USP14: variants seen among roughly 807,000 people sequenced by gnomAD.
The protein encoded by USP14 is ubiquitin specific peptidase 14.
In USP14, 38 loss-of-function variants were observed where a neutral mutation model predicts 76.5. The ratio of observed to expected loss-of-function variants is 0.50; its 90% CI spans 0.38 to 0.65. USP14 has a LOEUF of 0.65. USP14 is among the 30% of genes least tolerant of loss of function. USP14 has a pLI of 0.00. For synonymous variants in USP14, 192 were observed against 191.7 expected (o/e 1.00, Z -0.01); for missense variants, 467 against 586.5 (o/e 0.80, Z 2.10).
Position 173,303 on chromosome 18 carries a change from G to A in USP14, c.196-5630G>A, listed in dbSNP as rs1038749977. Among the ~76,000 whole-genome samples the A allele has an allele frequency of 1.3e-4, 19 of 151,744 alleles. 1 individual carries two copies. The highest frequency in any genetic ancestry group is 3.3e-4 in the Admixed American group (5 of 15,236). On this transcript the variant is annotated intron_variant, in intron 3 of 15. Transcript: ENST00000261601. ...TTTTGTATTTTTTTTAGTAGAGACG[G>A]GGTTTCACCATGTTAGCCAGGATGG...
chr18:189,025 G>A (rs1910014602), intron 5 of USP14, among the ~76,000 whole-genome samples: 1 of 151,646 alleles, frequency 6.6e-6, no homozygotes, highest in Non-Finnish European at 1.5e-5. Context: ...GTCAGTTTTG[G>A]TAATTTATAT....
chr18:174,282 T>A (rs940670350), intron 3 of USP14, among the ~76,000 whole-genome samples: 5 of 151,442 alleles, frequency 3.3e-5, no homozygotes, highest in African/African-American at 1.2e-4. Context: ...TTTTTTTTTT[T>A]TTTGAGACAG....
chr18:199,112 A>G (rs2143073821), intron 9 of USP14, 90 bp from the exon 10 acceptor site: 1 of 775,904 alleles, frequency 1.3e-6, no homozygotes, highest in South Asian at 1.9e-5. Context: ...GATACTATTA[A>G]TTTTAATGGA....
chr18:164,403 A>G (rs1340214918), intron 2 of USP14, among the ~76,000 whole-genome samples: 1 of 144,674 alleles, frequency 6.9e-6, no homozygotes, highest in Non-Finnish European at 1.5e-5. Flanking sequence ...AAAACTGTTC[A>G]TTTTTTTTTT....
chr18:196,207 C>G (rs1910230076), intron 6 of USP14, among the ~76,000 whole-genome samples: 1 of 151,820 alleles, frequency 6.6e-6, no homozygotes, highest in African/African-American at 2.4e-5. Context: ...TCCTGTAATC[C>G]CAGCTACTCG....
intron 5 of USP14, among the ~76,000 whole-genome samples, chr18:188,507 C>CTT (rs1157960535): frequency 5.7e-5 from 7 of 122,448 alleles, no homozygotes; most frequent in South Asian, 2.6e-4. Flanking sequence ...CTCCCTCTGG[C>CTT]TTTTTTTTTT....
At chr18:205,108 T>C (rs1318768025) in intron 13 of USP14, among the ~76,000 whole-genome samples, 1 of 152,082 alleles carries the variant, frequency 6.6e-6, no homozygotes, top group Admixed American at 6.6e-5. Context: ...ACTCCTGAGC[T>C]CAGGCGATCT....
rs74479856 is a variant in USP14 at position 211,194 on chromosome 18, G to T, written c.1395G>T (p.Arg465=). The T allele has an allele frequency of 3.2e-3, 5,168 of 1,613,976 alleles. 102 individuals are homozygous for T. In the East Asian group the frequency reaches 0.045, roughly 14 times the overall value. Residue 465 remains arginine (R), a synonymous_variant, in exon 16 of 16, where the codon CGG becomes CGT. Transcript: ENST00000261601. ...VSIVTPEDIL[R]LSGGGDWHIA... is the part of the protein sequence containing the mutation. ...TCGTAACACCAGAAGATATCTTACG[G>T]CTTTCTGGTGGTGGAGACTGGCATA...
At chr18:210,595 C>T (rs140946465) in intron 15 of USP14, 102 bp downstream of exon 15, 2 of 714,068 alleles carry the variant, frequency 2.8e-6, no homozygotes, top group Admixed American at 3.2e-5. Flanking sequence ...CTCAGAACCA[C>T]TTTACATTCT....
chr18:161,108 A>G (rs896989177), intron 1 of USP14, among the ~76,000 whole-genome samples: 16 of 152,098 alleles, frequency 1.1e-4, no homozygotes, highest in African/African-American at 3.6e-4. Flanking sequence ...TTGTATTTTT[A>G]GTAGAAACGA....
chr18:202,052 A>C (rs1206853074), intron 10 of USP14, among the ~76,000 whole-genome samples: 1 of 152,254 alleles, frequency 6.6e-6, no homozygotes, highest in African/African-American at 2.4e-5. Context: ...AAATTATACA[A>C]GTGTAACATG....
rs1425186833 is a variant in USP14 at position 178,973 on chromosome 18, C to T, written c.236C>T (p.Pro79Leu). 1 of 1,613,306 alleles carries T rather than the reference C, an allele frequency of 6.2e-7. No homozygotes were observed. The highest frequency in any genetic ancestry group is 8.5e-7 in the Non-Finnish European group (1 of 1,179,684). Residue 79 changes from proline to leucine, a missense_variant, in exon 4 of 16, where the codon CCA (proline) becomes CTA (leucine). Transcript: ENST00000261601. ...LLMMGSADALPEEPSAKTVFV... is the reference protein window; with the variant it reads ...LLMMGSADALLEEPSAKTVFV... The stretch of plus-strand genomic sequence containing the variant: ...ATGATGGGGTCAGCAGATGCTCTTC[C>T]AGAAGAACCCTCAGCCAAAACTGTC...
At chr18:174,345 A>G (rs189110792) in intron 3 of USP14, among the ~76,000 whole-genome samples, 10 of 149,190 alleles carry the variant, frequency 6.7e-5, no homozygotes, top group African/African-American at 2.2e-4. Flanking sequence ...AGCTCACTGC[A>G]GACTCCGCCT....
intron 5 of USP14, among the ~76,000 whole-genome samples, chr18:187,254 A>C (rs938956798): frequency 6.6e-6 from 1 of 152,116 alleles, no homozygotes; most frequent in African/African-American, 2.4e-5. Context: ...AATATTTTTG[A>C]GACCTGTTCC....
intron 7 of USP14, among the ~76,000 whole-genome samples, chr18:197,121 A>G (rs1311093751): frequency 6.6e-6 from 1 of 152,140 alleles, no homozygotes. Flanking sequence ...GCCTCTCTCC[A>G]GCTGCACAGG....
At chr18:166,725 T>G in intron 2 of USP14, 62 bp from the exon 3 acceptor site, 1 of 1,460,528 alleles carries the variant, frequency 6.8e-7, no homozygotes. Context: ...ATAAATTGAT[T>G]ATTAGATTGT....
chr18:167,689 A>AT lies in USP14; in HGVS notation c.195+876dup, dbSNP rs1346483425. Among the ~76,000 whole-genome samples, 5 of 151,968 alleles carry AT rather than the reference A, an allele frequency of 3.3e-5. No individual in the cohort carries two copies. In the East Asian group the frequency reaches 9.7e-4, roughly 29 times the overall value. ...CCCAGTTAATTAATTAATTTTAATT[A>AT]TTTTTTGTAGAGATGGGGGTGTCAC... On this transcript the variant is annotated intron_variant, in intron 3 of 15. Transcript: ENST00000261601.
chr18:161,827 G>A (rs1909127619), intron 1 of USP14, among the ~76,000 whole-genome samples: 1 of 152,140 alleles, frequency 6.6e-6, no homozygotes, highest in Admixed American at 6.6e-5. Flanking sequence ...TATTTCAAAA[G>A]TTAGCTATTT....
intron 3 of USP14, among the ~76,000 whole-genome samples, chr18:177,378 T>C (rs1172514232): frequency 1.4e-5 from 2 of 147,890 alleles, no homozygotes; most frequent in African/African-American, 5.0e-5. Flanking sequence ...CCTATAATTG[T>C]GCCACTGCAC....
Sources: allele counts gnomAD v4.1 joint callset (sites outside exome capture counted in the v4.1 genomes callset), GRCh38; gene constraint gnomAD v4.1.1; transcripts MANE v1.5; gene names NCBI Gene and HGNC (gene_info 2026-07-23, HGNC 2026-07-21).